Variants in ITPR1 observed in about 807,000 individuals in gnomAD.
ITPR1 encodes the protein inositol 1,4,5-trisphosphate receptor type 1, also known as inositol 1,4,5-trisphosphate-gated calcium channel ITPR1.
In ITPR1, 96 loss-of-function variants were observed where a neutral mutation model predicts 318.4. The ratio of observed to expected loss-of-function variants is 0.30; its 90% CI spans 0.26 to 0.36. The LOEUF (loss-of-function observed/expected upper bound fraction) is 0.36, where lower values mean the gene tolerates loss of function less well. Ranked by LOEUF, ITPR1 falls within the 10% of genes least tolerant of loss-of-function variation. The pLI, the probability that ITPR1 is intolerant of heterozygous loss-of-function variation, is 1.00. For missense variants in ITPR1, 2,440 were observed against 3,460.2 expected (o/e 0.71, Z 7.40); for synonymous variants, 1,312 against 1,289.9 (o/e 1.02, Z -0.37).
At chr3:4,735,970 T>C (rs1213512993) in intron 44 of ITPR1, among the ~76,000 whole-genome samples, 1 of 152,256 alleles carries the variant, frequency 6.6e-6, no homozygotes, top group Admixed American at 6.5e-5. Flanking sequence ...TCTAGTTCAC[T>C]TTTTATAGAT....
Position 4,836,910 on chromosome 3 carries a change from G to C in ITPR1, c.8165G>C (p.Gly2722Ala), listed in dbSNP as rs1372980674. The change falls in exon 61 of 62, where the codon GGC (glycine) becomes GCC (alanine). Residue 2722 changes from glycine (G) to alanine (A), a missense_variant. By Grantham distance (60) the Gly-to-Ala change is moderately conservative (BLOSUM62 0). Coordinates refer to ENST00000649015, the MANE Select transcript of ITPR1 (RefSeq NM_001378452.1). ...STMKLVTNLS[G>A]QLSELKDQMT... Reference sequence around the variant, plus strand: ...ATGAAACTTGTCACGAACCTTTCTGGCCAGCTGTCGGAATTAAAGGATCAG... The same window carrying C: ...ATGAAACTTGTCACGAACCTTTCTGCCCAGCTGTCGGAATTAAAGGATCAG... The C allele has an allele frequency of 6.3e-7, 1 of 1,591,654 alleles. No individual in the cohort carries two copies. The highest frequency in any genetic ancestry group is 8.6e-7 in the Non-Finnish European group (1 of 1,164,164).
intron 4 of ITPR1, among the ~76,000 whole-genome samples, chr3:4,538,727 C>T (rs553020331): frequency 5.9e-5 from 9 of 152,206 alleles, no homozygotes; most frequent in Admixed American, 2.6e-4. Flanking sequence ...TAAAAAGGAA[C>T]AAGATCATGT....
chr3:4,512,334 T>C (rs1651563228), intron 2 of ITPR1, among the ~76,000 whole-genome samples: 1 of 152,116 alleles, frequency 6.6e-6, no homozygotes, highest in Non-Finnish European at 1.5e-5. Context: ...AGACCATCCA[T>C]AGGCAGCGCG....
At chr3:4,571,264 T>A (rs878963344) in intron 4 of ITPR1, among the ~76,000 whole-genome samples, 1 of 152,218 alleles carries the variant, frequency 6.6e-6, no homozygotes, top group Admixed American at 6.5e-5. Flanking sequence ...TGCAGTTCAC[T>A]ACATAAGATT....
chr3:4,657,986 C>G (rs116617810), intron 12 of ITPR1, 138 bp from the exon 13 acceptor site: 1 of 739,610 alleles, frequency 1.4e-6, no homozygotes, highest in Admixed American at 2.6e-5. Flanking sequence ...TAGGACTGCT[C>G]TGTAACTGTG....
At chr3:4,544,649 C>G (rs1425749298) in intron 4 of ITPR1, among the ~76,000 whole-genome samples, 2 of 152,190 alleles carry the variant, frequency 1.3e-5, no homozygotes, top group African/African-American at 2.4e-5. Flanking sequence ...GAGGGATCCT[C>G]TCAGTCGTTT....
chr3:4,817,787 G>A (rs977594215), intron 59 of ITPR1, among the ~76,000 whole-genome samples: 1 of 152,158 alleles, frequency 6.6e-6, no homozygotes, highest in Non-Finnish European at 1.5e-5. Flanking sequence ...AAACACTCCT[G>A]GAACCTAGAC....
At chr3:4,842,523 A>G (rs2051427474) in intron 61 of ITPR1, among the ~76,000 whole-genome samples, 1 of 152,164 alleles carries the variant, frequency 6.6e-6, no homozygotes, top group Non-Finnish European at 1.5e-5. Context: ...ATGTACCACC[A>G]TGCCTGGCTA....
chr3:4,797,109 A>C (rs2047949447), intron 53 of ITPR1, among the ~76,000 whole-genome samples: 1 of 151,940 alleles, frequency 6.6e-6, no homozygotes. Context: ...CTGAGGGACT[A>C]AACTGAGAGC....
intron 4 of ITPR1, among the ~76,000 whole-genome samples, chr3:4,590,814 A>AT (rs765728502): frequency 1.3e-5 from 2 of 152,102 alleles, no homozygotes; most frequent in African/African-American, 2.4e-5. Flanking sequence ...TGTACATATT[A>AT]TTACATTACC....
chr3:4,649,597 C>G (rs1297775764), intron 10 of ITPR1, among the ~76,000 whole-genome samples: 1 of 152,232 alleles, frequency 6.6e-6, no homozygotes, highest in Non-Finnish European at 1.5e-5. Flanking sequence ...TTCATATAAA[C>G]AGAATCCTAT....
chr3:4,651,329 T>G (rs897716998), intron 10 of ITPR1, among the ~76,000 whole-genome samples: 2 of 152,102 alleles, frequency 1.3e-5, no homozygotes, highest in Non-Finnish European at 2.9e-5. Context: ...TAGTACCCCA[T>G]CCCCACAAAT....
At chr3:4,622,859 G>T (rs1448200222) in intron 4 of ITPR1, among the ~76,000 whole-genome samples, 1 of 152,198 alleles carries the variant, frequency 6.6e-6, no homozygotes, top group East Asian at 1.9e-4. Flanking sequence ...CACCATTGTT[G>T]TGCTTCTACT....
intron 5 of ITPR1, among the ~76,000 whole-genome samples, chr3:4,629,004 G>T (rs1344948565): frequency 1.3e-5 from 2 of 152,150 alleles, no homozygotes; most frequent in East Asian, 3.8e-4. Flanking sequence ...TTTCAGACGG[G>T]CTGTGATGAA....
intron 42 of ITPR1, among the ~76,000 whole-genome samples, chr3:4,727,798 A>G (rs866618908): frequency 4.0e-5 from 6 of 151,716 alleles, no homozygotes; most frequent in South Asian, 2.1e-4. Flanking sequence ...CGGGTCTCAG[A>G]CTCCTGGGCT....
At chr3:4,526,759 C>T (rs2083013353) in intron 4 of ITPR1, among the ~76,000 whole-genome samples, 1 of 152,214 alleles carries the variant, frequency 6.6e-6, no homozygotes, top group Non-Finnish European at 1.5e-5. Context: ...AATGTCACTT[C>T]TTAGAATGAT....
chr3:4,792,032 G>T (rs111772375), intron 52 of ITPR1, among the ~76,000 whole-genome samples: 3,219 of 152,250 alleles, frequency 0.021, 58 homozygotes, highest in South Asian at 0.047. Flanking sequence ...CCTTCTGAAG[G>T]CCATATCCTT....
chr3:4,644,031 T>C, intron 7 of ITPR1, 105 bp from the exon 8 acceptor site: 1 of 723,580 alleles, frequency 1.4e-6, no homozygotes, highest in Non-Finnish European at 2.5e-6. Context: ...GGGATAGGCC[T>C]TGCCTTCTTC....
intron 5 of ITPR1, among the ~76,000 whole-genome samples, chr3:4,629,265 G>C (rs191936159): frequency 2.6e-4 from 40 of 151,886 alleles, no homozygotes; most frequent in Non-Finnish European, 3.5e-4. Context: ...CATGACCTTT[G>C]CACCCTCAGT....
Sources: gnomAD v4.1 joint callset for allele counts (sites outside exome capture counted in the v4.1 genomes callset) on GRCh38, gnomAD v4.1.1 for gene constraint, MANE v1.5 for transcripts, NCBI Gene and HGNC (gene_info 2026-07-23, HGNC 2026-07-21) for gene names.